The following BMPR1B variants were observed in gnomAD, a reference collection of about 807,000 sequenced individuals.
BMPR1B encodes bone morphogenetic protein receptor type-1B.
A neutral mutation model predicts 59.1 loss-of-function variants in BMPR1B; 12 were observed. The observed-to-expected ratio is 0.20, with a 90% CI of 0.13 to 0.33. The LOEUF (loss-of-function observed/expected upper bound fraction) is 0.33. BMPR1B is among the 10% of genes least tolerant of loss of function. BMPR1B has a pLI of 1.00. For synonymous variants in BMPR1B, 237 were observed against 207.3 expected, an observed-to-expected ratio of 1.14 and a Z score of -1.23; for missense variants, 550 against 610.9, an observed-to-expected ratio of 0.90 and a Z score of 1.05.
rs184001184 is a variant in BMPR1B at position 94,933,282 on chromosome 4, A to G, written c.-113+57382A>G. ...ACTTAACGACTTCTTATTCCATTAT[A>G]TCATAGTTTATTTAACTTTTTCCTT... On this transcript the variant is annotated intron_variant, in intron 2 of 12. Transcript: ENST00000515059. 3.7e-4 allele frequency among the ~76,000 whole-genome samples: 57 copies of G among 152,134 alleles called. No individual in the cohort carries two copies. The East Asian group carries it at 8.1e-3, about 22-fold the overall frequency.
intron 2 of BMPR1B, among the ~76,000 whole-genome samples, chr4:94,914,094 G>A (rs945421020): frequency 4.6e-5 from 7 of 152,084 alleles, no homozygotes; most frequent in Admixed American, 1.3e-4. Context: ...ACTAATACAG[G>A]CAGGTCATTA....
chr4:94,875,004 T>TA (rs1197758680), intron 1 of BMPR1B, among the ~76,000 whole-genome samples: 1 of 151,880 alleles, frequency 6.6e-6, no homozygotes, highest in African/African-American at 2.4e-5. Context: ...AAAAAAATAA[T>TA]AATAAATAAA....
intron 2 of BMPR1B, among the ~76,000 whole-genome samples, chr4:94,953,857 A>G (rs779562733): frequency 6.6e-6 from 1 of 152,226 alleles, no homozygotes. Flanking sequence ...GTGTTTTCCA[A>G]CTTGGTTCCA....
intron 3 of BMPR1B, among the ~76,000 whole-genome samples, chr4:95,010,917 G>A (rs1331722906): frequency 1.3e-5 from 2 of 152,146 alleles, no homozygotes; most frequent in Admixed American, 1.3e-4. Flanking sequence ...CTGGATATGT[G>A]CCTTATATTA....
At chr4:94,770,823 T>C (rs1194616024) in intron 1 of BMPR1B, among the ~76,000 whole-genome samples, 2 of 148,994 alleles carry the variant, frequency 1.3e-5, no homozygotes, top group African/African-American at 5.0e-5. Context: ...CAGTGGATTA[T>C]ATTGACTGGT....
At chr4:94,799,303 GTT>G (rs781266058) in intron 1 of BMPR1B, among the ~76,000 whole-genome samples, 1 of 139,026 alleles carries the variant, frequency 7.2e-6, no homozygotes. Context: ...TTGGGTGACT[GTT>G]TTTTTTTTTT....
At chr4:95,095,551 C>T (rs950496403) in intron 3 of BMPR1B, among the ~76,000 whole-genome samples, 6 of 152,008 alleles carry the variant, frequency 3.9e-5, no homozygotes, top group Non-Finnish European at 5.9e-5. Context: ...CCTGCCTGCC[C>T]TCTGGTGTAG....
intron 2 of BMPR1B, among the ~76,000 whole-genome samples, chr4:94,980,054 C>T (rs562617973): frequency 1.7e-4 from 26 of 152,236 alleles, no homozygotes; most frequent in African/African-American, 6.0e-4. Context: ...TGTCAGGAGA[C>T]GATCTTCCCT....
chr4:94,777,241 A>G (rs1722407035), intron 1 of BMPR1B, among the ~76,000 whole-genome samples: 1 of 152,130 alleles, frequency 6.6e-6, no homozygotes, highest in African/African-American at 2.4e-5. Context: ...AAGTGTGTTA[A>G]TATTTCAGTT....
chr4:94,929,166 C>T (rs147958860), intron 2 of BMPR1B, among the ~76,000 whole-genome samples: 33 of 152,058 alleles, frequency 2.2e-4, no homozygotes, highest in African/African-American at 7.2e-4. Flanking sequence ...CAGCACTTCT[C>T]TTAATTTCCA....
intron 1 of BMPR1B, among the ~76,000 whole-genome samples, chr4:94,844,885 T>G (rs1194700208): frequency 6.6e-6 from 1 of 152,220 alleles, no homozygotes; most frequent in African/African-American, 2.4e-5. Flanking sequence ...ATGAGATTAA[T>G]GAATGTGACT....
chr4:94,778,534 G>C (rs1178178190), intron 1 of BMPR1B, among the ~76,000 whole-genome samples: 1 of 151,872 alleles, frequency 6.6e-6, no homozygotes, highest in African/African-American at 2.4e-5. Context: ...TGATGTTATG[G>C]GCTTCTTGTA....
chr4:94,796,590 A>G (rs1459837639), intron 1 of BMPR1B, among the ~76,000 whole-genome samples: 1 of 152,142 alleles, frequency 6.6e-6, no homozygotes, highest in African/African-American at 2.4e-5. Context: ...AATGAATGGA[A>G]TAAGAGAAAT....
chr4:94,823,592 A>G (rs542498741), intron 1 of BMPR1B, among the ~76,000 whole-genome samples: 1 of 152,180 alleles, frequency 6.6e-6, no homozygotes, highest in African/African-American at 2.4e-5. Context: ...TAAGCCCTCT[A>G]CTGCACACAC....
At chr4:95,141,670 C>T (rs1734239454) in intron 10 of BMPR1B, among the ~76,000 whole-genome samples, 1 of 152,166 alleles carries the variant, frequency 6.6e-6, no homozygotes, top group African/African-American at 2.4e-5. Flanking sequence ...CATGAAATGC[C>T]TTGAAGAAAC....
At chr4:94,973,614 G>A (rs914754979) in intron 2 of BMPR1B, among the ~76,000 whole-genome samples, 17 of 152,208 alleles carry the variant, frequency 1.1e-4, no homozygotes, top group South Asian at 2.1e-4. Context: ...TGGGGCCATG[G>A]GTTGTTTAGG....
At chr4:94,919,205 C>T (rs548143176) in intron 2 of BMPR1B, among the ~76,000 whole-genome samples, 1 of 152,282 alleles carries the variant, frequency 6.6e-6, no homozygotes, top group African/African-American at 2.4e-5. Flanking sequence ...CATCCATACG[C>T]AGACGTGCAC....
At chr4:95,126,584 C>G (rs546462784) in intron 8 of BMPR1B, among the ~76,000 whole-genome samples, 2 of 152,084 alleles carry the variant, frequency 1.3e-5, no homozygotes, top group Admixed American at 6.6e-5. Flanking sequence ...CTAGCTAGTA[C>G]GTGGAGAAGC....
chr4:94,935,682 G>A (rs72889525), intron 2 of BMPR1B, among the ~76,000 whole-genome samples: 4 of 152,298 alleles, frequency 2.6e-5, no homozygotes, highest in African/African-American at 9.6e-5. Flanking sequence ...AGAACTAAAT[G>A]GTGATATGGT....
Sources: gnomAD v4.1 joint callset for allele counts (sites outside exome capture counted in the v4.1 genomes callset) on GRCh38, gnomAD v4.1.1 for gene constraint, MANE v1.5 for transcripts, NCBI Gene and HGNC (gene_info 2026-07-23, HGNC 2026-07-21) for gene names.